The following NDUFAF6 variants were observed in gnomAD, a reference collection of about 807,000 sequenced individuals.
NDUFAF6 encodes NADH:ubiquinone oxidoreductase complex assembly factor 6.
In NDUFAF6, 45 loss-of-function variants were observed where a neutral mutation model predicts 40.8. The ratio of observed to expected loss-of-function variants is 1.10; its 90% confidence interval spans 0.87 to 1.42. NDUFAF6 has a LOEUF of 1.42. Ranked by LOEUF, NDUFAF6 falls within the 40% of genes most tolerant of loss-of-function variation. The pLI, the probability that NDUFAF6 is intolerant of heterozygous loss-of-function variation, is 0.00. For missense variants in NDUFAF6, 435 were observed against 418.5 expected (o/e 1.04, Z -0.34); for synonymous variants, 185 against 155.9 (o/e 1.19, Z -1.39).
chr8:95,095,879 A>G (rs1366610170), upstream of NDUFAF6, among the ~76,000 whole-genome samples: 4 of 152,186 alleles, frequency 2.6e-5, no homozygotes, highest in African/African-American at 9.6e-5. Flanking sequence ...TGGCCAGGCT[A>G]GTCTCGAACT....
downstream of NDUFAF6, among the ~76,000 whole-genome samples, chr8:95,078,952 C>T (rs927946702): frequency 9.2e-5 from 14 of 152,024 alleles, no homozygotes; most frequent in Non-Finnish European, 1.9e-4. Flanking sequence ...AGTTTGTCTA[C>T]TCACCTATTG....
rs1250848099 is a variant in NDUFAF6 at position 95,014,390 on chromosome 8, G to A, written c.-83-17605G>A. Among the ~76,000 whole-genome samples the A allele has an allele frequency of 3.9e-5, 6 of 152,350 alleles. No homozygotes were observed. In the South Asian group the frequency reaches 6.2e-4, roughly 16 times the overall value. On this transcript the variant is annotated intron_variant, in intron 2 of 9. Transcript: ENST00000396111. ...GCTTGGCATGTGTAAGGAACACCAA[G>A]TCAGGGTACCTGATGTATAATGAAC...
intron 1 of NDUFAF6, among the ~76,000 whole-genome samples, chr8:95,025,421 T>C (rs904185222): frequency 2.6e-5 from 4 of 152,180 alleles, no homozygotes; most frequent in Admixed American, 1.3e-4. Flanking sequence ...CAAAATTCCT[T>C]CGACTGCCCA....
chr8:94,967,064 G>C (rs1335918514), intron 1 of NDUFAF6, among the ~76,000 whole-genome samples: 2 of 152,134 alleles, frequency 1.3e-5, no homozygotes, highest in Non-Finnish European at 2.9e-5. Context: ...CTACCATAAG[G>C]GGGTAGGCAG....
chr8:95,059,228 T>G (rs957063512), downstream of NDUFAF6, among the ~76,000 whole-genome samples: 1 of 152,172 alleles, frequency 6.6e-6, no homozygotes, highest in African/African-American at 2.4e-5. Context: ...CCCATTCGGC[T>G]CTCTCATTTA....
At chr8:95,117,270 C>T (rs982445494), downstream of NDUFAF6, among the ~76,000 whole-genome samples, 8 of 152,274 alleles carry the variant, frequency 5.3e-5, 1 homozygote, top group Non-Finnish European at 1.5e-5. Flanking sequence ...TACCAACACT[C>T]TCTATTGAGT....
intron 2 of NDUFAF6, among the ~76,000 whole-genome samples, chr8:95,091,868 G>A (rs572760611): frequency 6.8e-6 from 1 of 146,542 alleles, no homozygotes; most frequent in African/African-American, 2.5e-5. Flanking sequence ...TCAAACTCTT[G>A]GTCTCAAGCG....
chr8:94,988,434 A>T (rs1380494473), intron 2 of NDUFAF6: 1 of 152,190 alleles, frequency 6.6e-6, no homozygotes, highest in Non-Finnish European at 1.5e-5. Flanking sequence ...AATTAGATAA[A>T]CAAGCAGGGG....
At chr8:94,931,926 C>A in intron 1 of NDUFAF6, 1 of 695,876 alleles carries the variant, frequency 1.4e-6, no homozygotes, top group Non-Finnish European at 2.3e-6. Flanking sequence ...GAGCCAATAT[C>A]ACACCATTGC....
chr8:95,040,397 G>T (rs1359200239), intron 3 of NDUFAF6, among the ~76,000 whole-genome samples: 1 of 152,050 alleles, frequency 6.6e-6, no homozygotes, highest in Non-Finnish European at 1.5e-5. Flanking sequence ...AATTCTGCTT[G>T]CAGTAATCAA....
intron 2 of NDUFAF6, among the ~76,000 whole-genome samples, chr8:94,949,765 A>AG (rs1267521215): frequency 2.0e-5 from 3 of 152,058 alleles, no homozygotes; most frequent in African/African-American, 7.2e-5. Context: ...CGCCGAGTGA[A>AG]GGGTCGAGGG....
chr8:95,050,454 A>G (rs1004616814), intron 7 of NDUFAF6, among the ~76,000 whole-genome samples: 16 of 152,188 alleles, frequency 1.1e-4, no homozygotes, highest in African/African-American at 3.4e-4. Flanking sequence ...CTGACTTTAA[A>G]TCCTAATTCT....
At chr8:94,954,156 G>A (rs1027539123), upstream of NDUFAF6, among the ~76,000 whole-genome samples, 2 of 147,012 alleles carry the variant, frequency 1.4e-5, no homozygotes, top group South Asian at 2.2e-4. Context: ...TCCGCCCCCC[G>A]GGTTCAAGAG....
At chr8:94,967,098 GGAGA>G (rs779487786) in intron 1 of NDUFAF6, among the ~76,000 whole-genome samples, 13 of 152,104 alleles carry the variant, frequency 8.5e-5, no homozygotes, top group Non-Finnish European at 1.6e-4. Flanking sequence ...AGGAACATGC[GGAGA>G]GAGAGAAAAA....
At chr8:94,930,933 G>T (rs1053586369) in intron 1 of NDUFAF6, among the ~76,000 whole-genome samples, 2 of 152,224 alleles carry the variant, frequency 1.3e-5, no homozygotes, top group Non-Finnish European at 2.9e-5. Context: ...TTACTAGAAA[G>T]ATGCCATATA....
intron 7 of NDUFAF6, 56 bp downstream of exon 7, chr8:95,048,614 C>G: frequency 1.7e-6 from 2 of 1,211,620 alleles, no homozygotes; most frequent in Admixed American, 1.7e-5. Context: ...CTAGATGTGG[C>G]TCTTCTTAGA....
At chr8:95,022,112 G>A (rs1249204138), upstream of NDUFAF6, among the ~76,000 whole-genome samples, 2 of 149,506 alleles carry the variant, frequency 1.3e-5, no homozygotes, top group Non-Finnish European at 3.0e-5. Flanking sequence ...TAGTTAATGT[G>A]TTATATCTGT....
chr8:95,067,845 G>C (rs1022003247), intron 9 of NDUFAF6: 2 of 151,928 alleles, frequency 1.3e-5, no homozygotes, highest in Non-Finnish European at 2.9e-5. Flanking sequence ...GACACCATGG[G>C]GGTGGGAGCC....
intron 1 of NDUFAF6, among the ~76,000 whole-genome samples, chr8:94,933,384 A>AG (rs1295824604): frequency 6.7e-6 from 1 of 150,100 alleles, no homozygotes; most frequent in Non-Finnish European, 1.5e-5. Flanking sequence ...ACCTTGAAAA[A>AG]GAAGGAAGGA....
Sources: gnomAD v4.1 joint callset for allele counts (sites outside exome capture counted in the v4.1 genomes callset) on GRCh38, gnomAD v4.1.1 for gene constraint, MANE v1.5 for transcripts, NCBI Gene and HGNC (gene_info 2026-07-23, HGNC 2026-07-21) for gene names.